The following TMT1B variants were observed in gnomAD, a reference collection of about 807,000 sequenced individuals.
TMT1B encodes the protein thiol methyltransferase 1B.
At chr12:55,683,728 CA>C in the TMT1B span, 24 of 1,355,806 alleles carry the variant, frequency 1.8e-5, no homozygotes, top group Non-Finnish European at 1.7e-5. Flanking sequence ...CCCATTTCAC[CA>C]AGAAGTTTGA....
chr12:55,683,498 A>AAAT, the TMT1B span, among the ~76,000 whole-genome samples: 33 of 151,822 alleles, frequency 2.2e-4, no homozygotes, highest in East Asian at 1.4e-3. Flanking sequence ...CTGTCTCAAA[A>AAAT]AATAATAATA....
the TMT1B span, among the ~76,000 whole-genome samples, chr12:55,683,587 T>A: frequency 1.3e-3 from 202 of 152,320 alleles, no homozygotes; most frequent in Admixed American, 2.5e-3. Context: ...CTGGTCAGGC[T>A]TTAAAGATCT....
the TMT1B span, chr12:55,682,280 T>TG: frequency 1.3e-6 from 2 of 1,579,658 alleles, no homozygotes; most frequent in South Asian, 2.3e-5. Context: ...GGGATGGGTG[T>TG]GGGGCAGGCA....
the TMT1B span, chr12:55,682,153 G>A: frequency 2.5e-6 from 4 of 1,614,076 alleles, no homozygotes; most frequent in Non-Finnish European, 3.4e-6. Context: ...TGAGACAGCT[G>A]GCTGATGGCT....
chr12:55,682,607 C>CAA, the TMT1B span, among the ~76,000 whole-genome samples: 43 of 104,156 alleles, frequency 4.1e-4, no homozygotes, highest in Admixed American at 9.8e-4. Context: ...GCCGTCTCTA[C>CAA]AAAAAAAAAA....
the TMT1B span, chr12:55,684,149 C>A: frequency 9.0e-7 from 1 of 1,107,726 alleles, no homozygotes; most frequent in Non-Finnish European, 1.3e-6. Flanking sequence ...AGGGACCTAG[C>A]AGAATGAGAG....
the TMT1B span, among the ~76,000 whole-genome samples, chr12:55,682,557 G>A: frequency 6.9e-6 from 1 of 144,324 alleles, no homozygotes; most frequent in African/African-American, 2.6e-5. Flanking sequence ...GATGACTTGA[G>A]CCCAGGAGTT....
chr12:55,683,691 G>A, the TMT1B span: 2 of 953,426 alleles, frequency 2.1e-6, no homozygotes, highest in African/African-American at 1.6e-5. Flanking sequence ...ACGACAGTTT[G>A]CTCCATGAAC....
chr12:55,681,920 C>T, the TMT1B span: 8 of 1,613,826 alleles, frequency 5.0e-6, no homozygotes, highest in African/African-American at 5.3e-5. Context: ...GAGCAAGAAA[C>T]GGGAGCTCTT....
the TMT1B span, chr12:55,682,172 G>A: frequency 6.2e-7 from 1 of 1,614,036 alleles, no homozygotes. Flanking sequence ...CTCCATGGAT[G>A]TGGTGGTCTG....
chr12:55,681,805 G>A, the TMT1B span: 1 of 1,554,014 alleles, frequency 6.4e-7, no homozygotes, highest in South Asian at 1.2e-5. Context: ...TTCTTACCCT[G>A]CCCCTGCACC....
chr12:55,684,150 A>C, the TMT1B span: 9 of 1,082,416 alleles, frequency 8.3e-6, no homozygotes, highest in South Asian at 1.4e-5. Context: ...GGGACCTAGC[A>C]GAATGAGAGA....
chr12:55,684,390 T>G, the TMT1B span: 1 of 294,744 alleles, frequency 3.4e-6, no homozygotes, highest in Non-Finnish European at 6.6e-6. Flanking sequence ...TCCTCTCGCT[T>G]TCCTCCTGAG....
chr12:55,681,869 C>G, the TMT1B span: 1 of 1,602,596 alleles, frequency 6.2e-7, no homozygotes, highest in East Asian at 2.3e-5. Flanking sequence ...CTTCCCCTAC[C>G]TGATGGCCGT....
At chr12:55,682,902 T>C in the TMT1B span, among the ~76,000 whole-genome samples, 2 of 152,108 alleles carry the variant, frequency 1.3e-5, no homozygotes, top group African/African-American at 4.8e-5. Context: ...GTAGGGGAAG[T>C]AGAGTAGAAT....
the TMT1B span, chr12:55,683,928 C>T: frequency 6.2e-7 from 1 of 1,614,114 alleles, no homozygotes; most frequent in Non-Finnish European, 8.5e-7. Flanking sequence ...TGCTGCCTCA[C>T]CAGAGAGACC....
the TMT1B span, among the ~76,000 whole-genome samples, chr12:55,683,184 T>C: frequency 6.6e-6 from 1 of 152,136 alleles, no homozygotes; most frequent in Non-Finnish European, 1.5e-5. Flanking sequence ...TGAGAGAGGT[T>C]GTGCGTGTAT....
chr12:55,683,891 C>A, the TMT1B span: 2 of 1,614,090 alleles, frequency 1.2e-6, no homozygotes, highest in Non-Finnish European at 1.7e-6. Context: ...AGTTTTCGAG[C>A]CCACCTGGAA....
the TMT1B span, among the ~76,000 whole-genome samples, chr12:55,682,700 C>G: frequency 6.6e-6 from 1 of 151,370 alleles, no homozygotes; most frequent in African/African-American, 2.4e-5. Context: ...GTGGGAGGAT[C>G]ACTTGAGCCC....
Sources: gnomAD v4.1 joint callset for allele counts (sites outside exome capture counted in the v4.1 genomes callset) on GRCh38, gnomAD v4.1.1 for gene constraint, MANE v1.5 for transcripts, NCBI Gene and HGNC (gene_info 2026-07-23, HGNC 2026-07-21) for gene names.